CTNNA3: variants seen among roughly 807,000 people sequenced by gnomAD.
CTNNA3 encodes the protein catenin alpha 3, also known as catenin alpha-3.
A neutral mutation model predicts 95.7 loss-of-function variants in CTNNA3; 76 were observed. That is an observed-to-expected ratio of 0.79 (90% CI 0.66 to 0.96). The LOEUF (loss-of-function observed/expected upper bound fraction) is 0.96, where lower values mean the gene tolerates loss of function less well. CTNNA3 is among the 40% of genes least tolerant of loss of function. CTNNA3 has a pLI of 0.00. For synonymous variants in CTNNA3, 431 were observed against 374.4 expected, an observed-to-expected ratio of 1.15 and a Z score of -1.74; for missense variants, 1,191 against 1,089.8, an observed-to-expected ratio of 1.09 and a Z score of -1.31.
At chr10:66,386,101 C>G (rs529311870) in intron 11 of CTNNA3, among the ~76,000 whole-genome samples, 1 of 152,216 alleles carries the variant, frequency 6.6e-6, no homozygotes, top group South Asian at 2.1e-4. Context: ...CCAGGGCAAT[C>G]AGGCAAGAGA....
chr10:67,408,882 C>CCAA (rs1554833433), intron 5 of CTNNA3, among the ~76,000 whole-genome samples: 1 of 97,200 alleles, frequency 1.0e-5, no homozygotes. Context: ...CTTAAATTTA[C>CCAA]AAAAAAAAAA....
At chr10:66,016,047 A>C (rs1272678412) in intron 15 of CTNNA3, among the ~76,000 whole-genome samples, 1 of 152,178 alleles carries the variant, frequency 6.6e-6, no homozygotes, top group Non-Finnish European at 1.5e-5. Context: ...TAAAGGTGTG[A>C]GCTAACATGT....
chr10:67,696,387 T>C (rs1299592784), upstream of CTNNA3, among the ~76,000 whole-genome samples: 1 of 152,210 alleles, frequency 6.6e-6, no homozygotes, highest in African/African-American at 2.4e-5. Flanking sequence ...ACCTCTTCTA[T>C]CTAATTAAAG....
rs926565054 is a variant in CTNNA3 at position 67,075,524 on chromosome 10, C to T, written c.1047+104793G>A. Among the ~76,000 whole-genome samples the T allele has an allele frequency of 1.3e-4, 20 of 152,146 alleles. No individual in the cohort carries two copies. In the East Asian group the frequency reaches 3.5e-3, roughly 26 times the overall value. On this transcript the variant is annotated intron_variant, in intron 7 of 17. Coordinates refer to ENST00000433211, the MANE Select transcript of CTNNA3 (RefSeq NM_013266.4). ...GTTGGAAATACTTAAGATTCTCCAA[C>T]GTCACGAGACTACATACTTGCAGTT...
chr10:66,653,011 C>G (rs575013943), intron 9 of CTNNA3, among the ~76,000 whole-genome samples: 3 of 152,174 alleles, frequency 2.0e-5, no homozygotes, highest in Admixed American at 2.0e-4. Context: ...CCATATATGA[C>G]AAATCCATGG....
intron 11 of CTNNA3, among the ~76,000 whole-genome samples, chr10:66,454,987 A>T (rs2093486869): frequency 6.6e-6 from 1 of 152,142 alleles, no homozygotes; most frequent in South Asian, 2.1e-4. Flanking sequence ...GCATCAATGA[A>T]ATCTGTATTA....
At chr10:67,400,413 A>G (rs547852216) in intron 5 of CTNNA3, among the ~76,000 whole-genome samples, 23 of 152,332 alleles carry the variant, frequency 1.5e-4, no homozygotes, top group Non-Finnish European at 2.8e-4. Flanking sequence ...TTATTTTAAC[A>G]TCTTGTGTTG....
At chr10:65,983,755 G>A (rs2078370329) in intron 16 of CTNNA3, among the ~76,000 whole-genome samples, 1 of 151,310 alleles carries the variant, frequency 6.6e-6, no homozygotes, top group East Asian at 1.9e-4. Flanking sequence ...GAATGACTGG[G>A]AAAATTAAAC....
At chr10:66,464,119 A>G (rs182522707) in intron 11 of CTNNA3, among the ~76,000 whole-genome samples, 215 of 152,218 alleles carry the variant, frequency 1.4e-3, no homozygotes, top group African/African-American at 4.9e-3. Context: ...TATGTTCGTT[A>G]GGCAAAATTC....
rs1377843166 is a variant in CTNNA3 at position 66,065,254 on chromosome 10, TG to T, written c.2159+4053del. On this transcript the variant is annotated intron_variant, in intron 15 of 17. Coordinates refer to ENST00000433211, the MANE Select transcript of CTNNA3 (RefSeq NM_013266.4). ...GGTTTTTTTTTGTTTTGTTTTGTTTTGTTTTCCCTTCTCACTAACCATTTAT... is the reference window on the plus strand; with the variant it reads ...GGTTTTTTTTTGTTTTGTTTTGTTTTTTTTCCCTTCTCACTAACCATTTAT... Among the ~76,000 whole-genome samples the T allele has an allele frequency of 2.4e-3, 363 of 152,132 alleles. 3 individuals are homozygous for T. Among genetic ancestry groups the T allele is most frequent in the African/African-American group, 8.4e-3 (350 of 41,496 alleles).
At chr10:67,751,299 C>T (rs1401513312) in intron 1 of CTNNA3, 11 of 938,052 alleles carry the variant, frequency 1.2e-5, no homozygotes, top group Admixed American at 1.9e-5. Flanking sequence ...CATCTCCACT[C>T]AAGTCCTATT....
At position 65,988,679 on chromosome 10, in the gene CTNNA3, G is replaced by C. The variant is rs760734354; in HGVS notation, c.2265+13C>G. 1.9e-6 allele frequency: 3 copies of C among 1,602,616 alleles called. No homozygotes were observed. Among genetic ancestry groups the C allele is most frequent in the East Asian group, 2.2e-5 (1 of 44,784 alleles). ...GCATGAACTTTTATGATGTCCACTT[G>C]TAAGTAACTCACCTGATTAGCAATC... On this transcript the variant is annotated intron_variant, in intron 16 of 17. Transcript: ENST00000433211.
intron 7 of CTNNA3, among the ~76,000 whole-genome samples, chr10:67,119,533 G>A (rs905309641): frequency 1.3e-5 from 2 of 151,950 alleles, no homozygotes; most frequent in African/African-American, 4.8e-5. Flanking sequence ...ATTTACCAGA[G>A]GGTCTGGAAT....
At chr10:66,463,193 A>C (rs1435440980) in intron 11 of CTNNA3, among the ~76,000 whole-genome samples, 1 of 152,106 alleles carries the variant, frequency 6.6e-6, no homozygotes, top group Non-Finnish European at 1.5e-5. Flanking sequence ...GCCTTGTGGG[A>C]GGTGTTGAGT....
chr10:66,518,586 TG>T (rs1840945608), intron 11 of CTNNA3, among the ~76,000 whole-genome samples: 2 of 152,144 alleles, frequency 1.3e-5, no homozygotes, highest in South Asian at 4.1e-4. Context: ...TTAAAATTAC[TG>T]TTTAAATGTT....
intron 15 of CTNNA3, among the ~76,000 whole-genome samples, chr10:66,064,935 T>C (rs951825851): frequency 3.9e-5 from 6 of 152,172 alleles, no homozygotes; most frequent in African/African-American, 1.4e-4. Context: ...TAAGCATATA[T>C]ACACATGCTG....
intron 3 of CTNNA3, among the ~76,000 whole-genome samples, chr10:67,571,959 T>A (rs1303899507): frequency 6.6e-6 from 1 of 152,214 alleles, no homozygotes; most frequent in African/African-American, 2.4e-5. Context: ...TTTTATGACA[T>A]CTAAATACAG....
chr10:67,101,542 G>A (rs570365394), intron 7 of CTNNA3, among the ~76,000 whole-genome samples: 5 of 151,546 alleles, frequency 3.3e-5, no homozygotes, highest in Non-Finnish European at 5.9e-5. Flanking sequence ...ATATTTTACT[G>A]ATCAACTCAT....
Position 67,639,988 on chromosome 10 carries a change from T to C in CTNNA3, c.99+7427A>G, listed in dbSNP as rs553641501. Among the ~76,000 whole-genome samples, 16 of 152,288 alleles carry C rather than the reference T, an allele frequency of 1.1e-4. No individual in the cohort carries two copies. In the East Asian group the frequency reaches 2.7e-3, roughly 26 times the overall value. On this transcript the variant is annotated intron_variant, in intron 2 of 17. Transcript: ENST00000433211. ...CTCTCACCACTCCTATTCAACATAG[T>C]GTTGGAAGTTCTGGCCAGGGCAATC...
Sources: gnomAD v4.1 joint callset for allele counts (sites outside exome capture counted in the v4.1 genomes callset) on GRCh38, gnomAD v4.1.1 for gene constraint, MANE v1.5 for transcripts, NCBI Gene and HGNC (gene_info 2026-07-23, HGNC 2026-07-21) for gene names.